UVRAG: variants seen among roughly 807,000 people sequenced by gnomAD.
UVRAG encodes the protein UV radiation resistance-associated gene protein.
UVRAG carries 19 observed loss-of-function variants against 78.0 expected under a neutral mutation model. The ratio of observed to expected loss-of-function variants is 0.24; its 90% CI spans 0.17 to 0.36. UVRAG has a LOEUF of 0.36. Ranked by LOEUF, UVRAG falls within the 10% of genes least tolerant of loss-of-function variation. The probability of loss-of-function intolerance (pLI) is 1.00; values close to 1 mark genes in which losing one functional copy is unlikely to be tolerated. For synonymous variants in UVRAG, 323 were observed against 324.6 expected (o/e 1.00, Z 0.05); for missense variants, 740 against 853.8 (o/e 0.87, Z 1.66).
Position 76,133,958 on chromosome 11 carries a change from C to CTTTT in UVRAG, c.1398-6743_1398-6740dup, listed in dbSNP as rs146371592. On this transcript the variant is annotated intron_variant, in intron 14 of 14. Transcript: ENST00000356136. ...ACTTTTTTTTTTCTTTTTTTCTTTT[C>CTTTT]TTTTTTTTTTTTTGAGACGGAGTCT... 2.7e-4 allele frequency among the ~76,000 whole-genome samples: 36 copies of CTTTT among 132,918 alleles called. 1 individual carries two copies. Among genetic ancestry groups the CTTTT allele is most frequent in the African/African-American group, 9.6e-4 (33 of 34,484 alleles). The allele number at this position is 132,918 out of a possible 152,430, so 87.2% of individuals were successfully genotyped here.
intron 1 of UVRAG, among the ~76,000 whole-genome samples, chr11:75,816,676 C>G (rs887644585): frequency 2.6e-5 from 4 of 152,218 alleles, no homozygotes; most frequent in African/African-American, 9.6e-5. Flanking sequence ...CAGCCATGCA[C>G]GTGCTTGAGA....
chr11:75,913,354 A>G (rs1222429331), intron 6 of UVRAG, among the ~76,000 whole-genome samples: 2 of 152,190 alleles, frequency 1.3e-5, no homozygotes, highest in Non-Finnish European at 2.9e-5. Context: ...TTCCAGGAGT[A>G]GCGAACACTG....
At chr11:76,112,636 C>A (rs1431479511) in intron 13 of UVRAG, among the ~76,000 whole-genome samples, 2 of 152,118 alleles carry the variant, frequency 1.3e-5, no homozygotes, top group Non-Finnish European at 2.9e-5. Flanking sequence ...GGAAATATAT[C>A]TCTAAGAGCA....
intron 1 of UVRAG, among the ~76,000 whole-genome samples, chr11:75,845,937 A>G (rs1231916261): frequency 1.3e-5 from 2 of 152,140 alleles, no homozygotes; most frequent in African/African-American, 4.8e-5. Context: ...ATAGAATGTT[A>G]TCTTAAAGAG....
chr11:76,070,082 A>T (rs1951273299), intron 13 of UVRAG, among the ~76,000 whole-genome samples: 1 of 152,190 alleles, frequency 6.6e-6, no homozygotes, highest in East Asian at 1.9e-4. Context: ...TGATACACAA[A>T]CACAACGCAC....
At chr11:75,887,384 G>T (rs930574613) in intron 4 of UVRAG, among the ~76,000 whole-genome samples, 1 of 150,470 alleles carries the variant, frequency 6.6e-6, no homozygotes, top group Non-Finnish European at 1.5e-5. Context: ...GACCTCAAGT[G>T]ATCCGCCGCC....
At chr11:75,906,603 C>T (rs1363074637) in intron 5 of UVRAG, among the ~76,000 whole-genome samples, 1 of 152,200 alleles carries the variant, frequency 6.6e-6, no homozygotes, top group Non-Finnish European at 1.5e-5. Context: ...CCACCTCAGC[C>T]TCTCAAAGTG....
chr11:75,959,118 G>C (rs962115369), intron 6 of UVRAG, among the ~76,000 whole-genome samples: 1 of 152,144 alleles, frequency 6.6e-6, no homozygotes, highest in African/African-American at 2.4e-5. Flanking sequence ...AAGGGCCCCA[G>C]GGTCTTCAGA....
At chr11:76,081,198 T>G (rs73001581) in intron 13 of UVRAG, among the ~76,000 whole-genome samples, 7,836 of 152,138 alleles carry the variant, frequency 0.052, 313 homozygotes, top group East Asian at 0.23. Context: ...CACTGTAACA[T>G]TGAGCCAGTC....
chr11:75,873,060 G>A (rs2134834277), intron 3 of UVRAG, among the ~76,000 whole-genome samples: 1 of 152,298 alleles, frequency 6.6e-6, no homozygotes, highest in Non-Finnish European at 1.5e-5. Flanking sequence ...ACCACTCACA[G>A]GTTCCTATGG....
At chr11:76,000,592 G>T (rs1457420336) in intron 8 of UVRAG, among the ~76,000 whole-genome samples, 1 of 151,824 alleles carries the variant, frequency 6.6e-6, no homozygotes, top group East Asian at 1.9e-4. Context: ...CATAGCCTGG[G>T]CAACAGAGTG....
Position 76,082,261 on chromosome 11 carries a change from C to G in UVRAG, c.1305+16473C>G, listed in dbSNP as rs1001638033. ...CTTGCCATTAAAAAATCATAGGTGG[C>G]TAGGCACGGTGGCTCACGCCTGTAA... On this transcript the variant is annotated intron_variant, in intron 13 of 14. Coordinates refer to ENST00000356136, the MANE Select transcript of UVRAG (RefSeq NM_003369.4). Among the ~76,000 whole-genome samples, 5 of 152,126 alleles carry G rather than the reference C, an allele frequency of 3.3e-5. No individual in the cohort carries two copies. In the South Asian group the frequency reaches 1.0e-3, roughly 32 times the overall value.
At chr11:76,035,689 T>TA (rs1950519994) in intron 12 of UVRAG, among the ~76,000 whole-genome samples, 1 of 152,202 alleles carries the variant, frequency 6.6e-6, no homozygotes. Flanking sequence ...TAACAACAAT[T>TA]AAAAATGTTC....
At chr11:75,978,941 G>C (rs1258844348) in intron 7 of UVRAG, among the ~76,000 whole-genome samples, 1 of 152,250 alleles carries the variant, frequency 6.6e-6, no homozygotes, top group Non-Finnish European at 1.5e-5. Flanking sequence ...CTTTGGAGGA[G>C]AAGAGGTGCT....
chr11:75,975,942 G>A (rs1227170171), intron 7 of UVRAG, among the ~76,000 whole-genome samples: 1 of 152,188 alleles, frequency 6.6e-6, no homozygotes, highest in Non-Finnish European at 1.5e-5. Context: ...CCTGTCTTGT[G>A]CCAGTTTTCA....
intron 6 of UVRAG, among the ~76,000 whole-genome samples, chr11:75,949,352 T>C (rs918871863): frequency 6.6e-6 from 1 of 152,126 alleles, no homozygotes; most frequent in African/African-American, 2.4e-5. Flanking sequence ...TGGATTCTGT[T>C]CTAGGTTCTG....
rs113274819 is a variant in UVRAG at position 75,892,327 on chromosome 11, C to T, written c.507+3424C>T. 1.3e-3 allele frequency: 1,258 copies of T among 985,414 alleles called. 13 individuals carry two copies. In the African/African-American group the frequency reaches 0.021, roughly 16 times the overall value. 61.0% of individuals were successfully genotyped at this position (985,414 alleles called of 1,614,324 possible). On this transcript the variant is annotated intron_variant, in intron 5 of 14. Transcript: ENST00000356136. The stretch of plus-strand genomic sequence containing the variant: ...ACAGAGAAACTGCAGATGCTCCTTT[C>T]ATGACCTTTTCTCCTGAGAAATGGA...
At chr11:76,102,543 G>C (rs1278237491) in intron 13 of UVRAG, among the ~76,000 whole-genome samples, 1 of 152,036 alleles carries the variant, frequency 6.6e-6, no homozygotes, top group African/African-American at 2.4e-5. Flanking sequence ...CTCTCTTCCT[G>C]TTAGGATGCC....
intron 7 of UVRAG, among the ~76,000 whole-genome samples, chr11:75,981,488 A>ATACT (rs1949392200): frequency 6.6e-6 from 1 of 151,004 alleles, no homozygotes; most frequent in Admixed American, 6.6e-5. Flanking sequence ...TCTTGCTCTG[A>ATACT]TACTTAGGCT....
Sources: gnomAD v4.1 joint callset for allele counts (sites outside exome capture counted in the v4.1 genomes callset) on GRCh38, gnomAD v4.1.1 for gene constraint, MANE v1.5 for transcripts, NCBI Gene and HGNC (gene_info 2026-07-23, HGNC 2026-07-21) for gene names.